The following SSBP2 variants were observed in gnomAD, a reference collection of about 807,000 sequenced individuals.
The protein encoded by SSBP2 is single stranded DNA binding protein 2, also known as single-stranded DNA-binding protein 2.
Under a neutral mutation model 61.8 loss-of-function variants are expected in SSBP2, and 17 were observed. That is an observed-to-expected ratio of 0.28 (90% CI 0.19 to 0.41). The LOEUF (loss-of-function observed/expected upper bound fraction) is 0.41. Among genes scored for constraint, SSBP2 ranks in the 10% least tolerant of loss-of-function variants. The pLI, the probability that SSBP2 is intolerant of heterozygous loss-of-function variation, is 1.00. For missense variants in SSBP2, 310 were observed against 458.7 expected (o/e 0.68, Z 2.96); for synonymous variants, 139 against 141.3 (o/e 0.98, Z 0.12).
At chr5:81,483,077 G>T (rs1766115754) in intron 6 of SSBP2, among the ~76,000 whole-genome samples, 1 of 152,100 alleles carries the variant, frequency 6.6e-6, no homozygotes, top group South Asian at 2.1e-4. Context: ...AGAACATACA[G>T]AATTATGAAT....
chr5:81,512,495 T>C (rs2154082551), intron 5 of SSBP2, among the ~76,000 whole-genome samples: 1 of 152,264 alleles, frequency 6.6e-6, no homozygotes, highest in South Asian at 2.1e-4. Flanking sequence ...AATCAAGAGT[T>C]ACAGTCTATT....
intron 1 of SSBP2, among the ~76,000 whole-genome samples, chr5:81,663,272 CTCTTTCTACA>C (rs1750841096): frequency 6.6e-6 from 1 of 152,148 alleles, no homozygotes; most frequent in South Asian, 2.1e-4. Context: ...ATTCCTAACT[CTCTTTCTACA>C]TATATACATG....
chr5:81,588,354 C>G (rs960243781), intron 4 of SSBP2, among the ~76,000 whole-genome samples: 5 of 151,926 alleles, frequency 3.3e-5, no homozygotes, highest in Middle Eastern at 3.2e-3. Context: ...ATTTTCCTAC[C>G]TAGGATACAA....
At chr5:81,600,387 CCT>C (rs1039764222) in intron 4 of SSBP2, among the ~76,000 whole-genome samples, 20 of 151,612 alleles carry the variant, frequency 1.3e-4, no homozygotes, top group African/African-American at 4.8e-4. Context: ...ACGGTGAAAC[CCT>C]GTCTCTACTA....
At chr5:81,744,819 T>G (rs1428582172) in intron 1 of SSBP2, among the ~76,000 whole-genome samples, 1 of 152,148 alleles carries the variant, frequency 6.6e-6, no homozygotes, top group Admixed American at 6.5e-5. Context: ...TTTAGGGTCA[T>G]ACATGAAATG....
intron 6 of SSBP2, among the ~76,000 whole-genome samples, chr5:81,483,755 A>ATC (rs1491444789): frequency 7.0e-6 from 1 of 143,410 alleles, no homozygotes; most frequent in East Asian, 2.0e-4. Flanking sequence ...ACCATTTGAC[A>ATC]TATATATATA....
chr5:81,608,961 G>A (rs899215398), intron 4 of SSBP2, among the ~76,000 whole-genome samples: 3 of 152,150 alleles, frequency 2.0e-5, no homozygotes, highest in African/African-American at 7.2e-5. Context: ...AGTCATTTAT[G>A]TCATGGGTAA....
chr5:81,684,809 C>T (rs1364478080), intron 1 of SSBP2, among the ~76,000 whole-genome samples: 1 of 152,028 alleles, frequency 6.6e-6, no homozygotes, highest in Non-Finnish European at 1.5e-5. Flanking sequence ...TGAGTTAATG[C>T]TGAATGAGTT....
At chr5:81,508,778 T>C (rs920201062) in intron 5 of SSBP2, among the ~76,000 whole-genome samples, 1 of 152,160 alleles carries the variant, frequency 6.6e-6, no homozygotes, top group Non-Finnish European at 1.5e-5. Context: ...GGAGTATGTT[T>C]GTCTATTTAG....
chr5:81,578,745 G>GA (rs1197179148), intron 4 of SSBP2, among the ~76,000 whole-genome samples: 1 of 150,938 alleles, frequency 6.6e-6, no homozygotes, highest in African/African-American at 2.4e-5. Context: ...GCAAAAATGA[G>GA]AAAAAAAGCA....
At chr5:81,681,372 T>C (rs1752364698) in intron 1 of SSBP2, among the ~76,000 whole-genome samples, 1 of 151,822 alleles carries the variant, frequency 6.6e-6, no homozygotes, top group East Asian at 1.9e-4. Flanking sequence ...ATGGAAAAAT[T>C]AGCCGGGTGT....
At chr5:81,742,523 G>C (rs575071751) in intron 1 of SSBP2, among the ~76,000 whole-genome samples, 1 of 152,268 alleles carries the variant, frequency 6.6e-6, no homozygotes, top group East Asian at 1.9e-4. Context: ...CGGTAAGGAA[G>C]ACACCATGGT....
intron 1 of SSBP2, among the ~76,000 whole-genome samples, chr5:81,686,724 A>G (rs2153824915): frequency 6.6e-6 from 1 of 151,932 alleles, no homozygotes; most frequent in South Asian, 2.1e-4. Flanking sequence ...GTGTGGTGGC[A>G]TGTGCCTATA....
chr5:81,532,263 G>A (rs1770475496), intron 4 of SSBP2, among the ~76,000 whole-genome samples: 1 of 151,934 alleles, frequency 6.6e-6, no homozygotes, highest in Non-Finnish European at 1.5e-5. Flanking sequence ...ATTTTATAAA[G>A]CAGTATTAAT....
At chr5:81,449,507 T>G (rs1465366429) in intron 10 of SSBP2, among the ~76,000 whole-genome samples, 1 of 152,304 alleles carries the variant, frequency 6.6e-6, no homozygotes, top group East Asian at 1.9e-4. Flanking sequence ...CCATAAGAGA[T>G]ATTTTTGTCT....
intron 4 of SSBP2, among the ~76,000 whole-genome samples, chr5:81,527,549 T>C (rs1770043167): frequency 1.3e-5 from 2 of 152,166 alleles, no homozygotes; most frequent in South Asian, 4.1e-4. Context: ...CATAAGTTAA[T>C]CTAGAATATG....
intron 10 of SSBP2, among the ~76,000 whole-genome samples, chr5:81,452,025 C>CATTG (rs1763808754): frequency 6.6e-6 from 1 of 152,016 alleles, no homozygotes; most frequent in Non-Finnish European, 1.5e-5. Flanking sequence ...TTGAGCTGGA[C>CATTG]AGTTGGGACT....
intron 1 of SSBP2, among the ~76,000 whole-genome samples, chr5:81,651,425 G>A (rs1268188975): frequency 6.6e-6 from 1 of 152,144 alleles, no homozygotes; most frequent in African/African-American, 2.4e-5. Context: ...CAGTTGCTCT[G>A]TCCATTTAAT....
intron 8 of SSBP2, among the ~76,000 whole-genome samples, chr5:81,468,310 G>T (rs942118410): frequency 2.6e-5 from 4 of 151,784 alleles, no homozygotes; most frequent in African/African-American, 9.7e-5. Flanking sequence ...ACTAATCTTT[G>T]TCACTTACTG....
Sources: allele counts gnomAD v4.1 joint callset (sites outside exome capture counted in the v4.1 genomes callset), GRCh38; gene constraint gnomAD v4.1.1; transcripts MANE v1.5; gene names NCBI Gene and HGNC (gene_info 2026-07-23, HGNC 2026-07-21).